Variants in SLBP observed in about 807,000 individuals in gnomAD.
SLBP encodes stem-loop histone mRNA binding protein, also known as histone RNA hairpin-binding protein.
In SLBP, 29 loss-of-function variants were observed where a neutral mutation model predicts 39.2. That is an observed-to-expected ratio of 0.74 (90% CI 0.55 to 1.01). SLBP has a LOEUF of 1.01. Ranked by LOEUF, SLBP falls within the 50% of genes least tolerant of loss-of-function variation. The pLI is 0.00. For synonymous variants in SLBP, 129 were observed against 118.7 expected, an observed-to-expected ratio of 1.09 and a Z score of -0.57; for missense variants, 390 against 350.2, an observed-to-expected ratio of 1.11 and a Z score of -0.91.
chr4:1,693,310 A>G lies in SLBP; in HGVS notation c.*287T>C, dbSNP rs1275676162. The G allele has an allele frequency of 6.9e-6, 2 of 291,808 alleles. No individual in the cohort carries two copies. The highest frequency in any genetic ancestry group is 1.3e-5 in the Non-Finnish European group (2 of 153,204). The allele number at this position is 291,808 out of a possible 1,614,324, so 18.1% of individuals were successfully genotyped here. A position where few individuals can be genotyped will look rare whatever the true frequency, so the allele number is the denominator to read the frequency against. ...GGAAAACCAGTTATGTAGACGTGTC[A>G]GCTTACCCTGGAGGACAACAGGGAT... is the stretch of plus-strand genomic sequence containing the variant. On this transcript the variant is annotated 3_prime_UTR_variant, in exon 8 of 8. Transcript: ENST00000489418.
At chr4:1,697,095 T>C (rs1366227852) in intron 5 of SLBP, among the ~76,000 whole-genome samples, 1 of 141,850 alleles carries the variant, frequency 7.0e-6, no homozygotes, top group African/African-American at 2.6e-5. Flanking sequence ...GAGGCGATGG[T>C]TGCAATGAGC....
chr4:1,704,666 G>A (rs1716451507), intron 2 of SLBP, among the ~76,000 whole-genome samples: 2 of 152,228 alleles, frequency 1.3e-5, no homozygotes, highest in Admixed American at 6.5e-5. Flanking sequence ...AGAGGGATTC[G>A]CTGTCATACT....
chr4:1,703,539 T>C, intron 3 of SLBP, 57 bp downstream of exon 3: 4 of 1,059,476 alleles, frequency 3.8e-6, no homozygotes, highest in Non-Finnish European at 5.9e-6. Flanking sequence ...ATATCAAATT[T>C]AATGTGTTAC....
chr4:1,695,678 G>A lies in SLBP; in HGVS notation c.629+524C>T, dbSNP rs182458538. 3.5e-3 allele frequency among the ~76,000 whole-genome samples: 535 copies of A among 152,146 alleles called. 3 individuals carry two copies. The highest frequency in any genetic ancestry group is 0.013 in the African/African-American group (519 of 41,502). On this transcript the variant is annotated intron_variant, in intron 6 of 7. Transcript: ENST00000489418. ...TGCCTGTAATCCCAGCTACTCAGGA[G>A]GCTGAGGCAGGAGAACCACCTGAAC...
At position 1,707,398 on chromosome 4, in the gene SLBP, C is replaced by T. The variant is rs868582320; in HGVS notation, c.177-3698G>A. Among the ~76,000 whole-genome samples, 6 of 149,788 alleles carry T rather than the reference C, an allele frequency of 4.0e-5. No homozygotes were observed. In the South Asian group the frequency reaches 1.3e-3, roughly 32 times the overall value. ...GTGGGTGCCTATAATCCCAGCTACT[C>T]GGGAGGCTAAGGCAGGAGAATCACT... On this transcript the variant is annotated intron_variant, in intron 2 of 7. Coordinates refer to ENST00000489418, the MANE Select transcript of SLBP (RefSeq NM_006527.4).
At chr4:1,710,749 A>G (rs955001972) in intron 2 of SLBP, among the ~76,000 whole-genome samples, 4 of 152,056 alleles carry the variant, frequency 2.6e-5, no homozygotes, top group Non-Finnish European at 5.9e-5. Context: ...CTTAGAAAAA[A>G]AAAAAGAAAC....
chr4:1,705,073 A>G (rs1198713036), intron 2 of SLBP, among the ~76,000 whole-genome samples: 1 of 152,302 alleles, frequency 6.6e-6, no homozygotes, highest in East Asian at 1.9e-4. Flanking sequence ...AATTACAGGC[A>G]TGAGCCACCA....
rs949353861 is a variant in SLBP, at chr4:1,706,936, C to A, written c.177-3236G>T. Among the ~76,000 whole-genome samples, 19 of 139,228 alleles carry A rather than the reference C, an allele frequency of 1.4e-4. No individual in the cohort carries two copies. In the South Asian group the frequency reaches 1.4e-3, roughly 10 times the overall value. The allele number at this position is 139,228 out of a possible 152,430, so 91.3% of individuals were successfully genotyped here. ...TCACCTGAGGTCAAGAGTTCAAGACCAGGCCGGGCGCAGTGGCTCACGCCT... is the reference window on the plus strand; with the variant it reads ...TCACCTGAGGTCAAGAGTTCAAGACAAGGCCGGGCGCAGTGGCTCACGCCT... On this transcript the variant is annotated intron_variant, in intron 2 of 7. Coordinates refer to ENST00000489418, the MANE Select transcript of SLBP (RefSeq NM_006527.4).
intron 5 of SLBP, among the ~76,000 whole-genome samples, chr4:1,698,411 A>G (rs1716201433): frequency 6.3e-5 from 1 of 15,970 alleles, no homozygotes; most frequent in African/African-American, 9.5e-5. Flanking sequence ...GTCAGGAGGG[A>G]AAAAAAAAAG....
rs1459746328 is a variant in SLBP, at chr4:1,693,342, A to C, written c.*255T>G. ...CCTGGAGGACAACAGGGATTACGCA[A>C]TTAAGCTCGCTGGAAGAGAGCTTCA... On this transcript the variant is annotated 3_prime_UTR_variant, in exon 8 of 8. Transcript: ENST00000489418. 8.0e-6 allele frequency: 3 copies of C among 376,950 alleles called. No homozygotes were observed. Among genetic ancestry groups the C allele is most frequent in the Non-Finnish European group, 1.5e-5 (3 of 202,932 alleles). 23.4% of individuals were successfully genotyped at this position (376,950 alleles called of 1,614,324 possible). A position where few individuals can be genotyped will look rare whatever the true frequency, so the allele number is the denominator to read the frequency against.
chr4:1,711,576 G>A (rs1225514805), intron 2 of SLBP, among the ~76,000 whole-genome samples: 1 of 152,138 alleles, frequency 6.6e-6, no homozygotes, highest in Non-Finnish European at 1.5e-5. Context: ...ACGTGTTCAC[G>A]AGAAGCTCGT....
chr4:1,705,552 G>A (rs1286287555), intron 2 of SLBP, among the ~76,000 whole-genome samples: 3 of 152,144 alleles, frequency 2.0e-5, no homozygotes, highest in African/African-American at 4.8e-5. Flanking sequence ...GTAAGTCTGA[G>A]TACTTCATAG....
chr4:1,709,199 G>C (rs1008637040), intron 2 of SLBP, among the ~76,000 whole-genome samples: 1 of 152,084 alleles, frequency 6.6e-6, no homozygotes, highest in Non-Finnish European at 1.5e-5. Context: ...GAGTAGCTGG[G>C]ATTACAGGCA....
At chr4:1,695,235 C>T (rs1275612253) in intron 6 of SLBP, among the ~76,000 whole-genome samples, 1 of 152,202 alleles carries the variant, frequency 6.6e-6, no homozygotes, top group Admixed American at 6.5e-5. Context: ...ACCCAAATGA[C>T]ATCTGTCAGG....
At chr4:1,697,605 C>T (rs1448585486) in intron 5 of SLBP, among the ~76,000 whole-genome samples, 1 of 152,130 alleles carries the variant, frequency 6.6e-6, no homozygotes, top group African/African-American at 2.4e-5. Flanking sequence ...CTTTGGGAGG[C>T]CGAGGCAGGC....
chr4:1,700,354 A>G (rs551336411), intron 3 of SLBP, among the ~76,000 whole-genome samples: 2 of 152,342 alleles, frequency 1.3e-5, no homozygotes, highest in African/African-American at 4.8e-5. Context: ...TCATATGCCT[A>G]CTGGGCACTG....
chr4:1,700,068 T>C lies in SLBP; in HGVS notation c.284A>G (p.Tyr95Cys). ...RTRVNKEMAR[Y>C]KRKLLINDFG... ...GTCATTGATGAGGAGTTTCCTTTTA[T>C]ATCTGAGGGCAAAATAAATATTGCT... The change falls in exon 4 of 8, where the codon TAT becomes TGT. Residue 95 changes from tyrosine to cysteine, a missense_variant and splice_region_variant. Physicochemically the swap from Tyr to Cys is radical, Grantham distance 194. Coordinates refer to ENST00000489418, the MANE Select transcript of SLBP (RefSeq NM_006527.4). 2 of 1,591,928 alleles carry C rather than the reference T, an allele frequency of 1.3e-6. No individual in the cohort carries two copies. Among genetic ancestry groups the C allele is most frequent in the South Asian group, 2.2e-5 (2 of 89,096 alleles).
intron 6 of SLBP, 75 bp downstream of exon 6, chr4:1,696,127 T>A (rs890828079): frequency 7.6e-7 from 1 of 1,323,286 alleles, no homozygotes; most frequent in Non-Finnish European, 1.0e-6. Context: ...AGACCTCCTG[T>A]CCCAGTGGTG....
In SLBP at chr4:1,712,113, G is replaced by C. The variant is rs558373324; in HGVS notation, c.59+17C>G. On this transcript the variant is annotated intron_variant, in intron 1 of 7. Transcript: ENST00000489418. ...CGGGGCACGCGCTCCCTCGCCCGCC[G>C]CGCAGCCCGGCCTCACCTGGCGTCA... is the stretch of plus-strand genomic sequence containing the variant. 1,115 of 1,226,428 alleles carry C rather than the reference G, an allele frequency of 9.1e-4. 8 individuals carry two copies. The African/African-American group carries it at 0.016, about 18-fold the overall frequency. The allele number at this position is 1,226,428 out of a possible 1,614,324, so 76.0% of individuals were successfully genotyped here.
Sources: allele counts gnomAD v4.1 joint callset (sites outside exome capture counted in the v4.1 genomes callset), GRCh38; gene constraint gnomAD v4.1.1; transcripts MANE v1.5; gene names NCBI Gene and HGNC (gene_info 2026-07-23, HGNC 2026-07-21).